Variants in PPP1R1B observed in about 807,000 individuals in gnomAD.
PPP1R1B encodes the protein protein phosphatase 1 regulatory subunit 1B.
PPP1R1B carries 13 observed loss-of-function variants against 28.2 expected under a neutral mutation model. The observed-to-expected ratio is 0.46, with a 90% confidence interval of 0.30 to 0.73. The LOEUF (loss-of-function observed/expected upper bound fraction) is 0.73, where lower values mean the gene tolerates loss of function less well. Ranked by LOEUF, PPP1R1B falls within the 30% of genes least tolerant of loss-of-function variation. The pLI is 0.07. For missense variants in PPP1R1B, 236 were observed against 256.7 expected, an observed-to-expected ratio of 0.92 and a Z score of 0.55; for synonymous variants, 102 against 97.5, an observed-to-expected ratio of 1.05 and a Z score of -0.27.
At chr17:39,632,758 G>C (rs1172365671) in intron 4 of PPP1R1B, 1 of 152,256 alleles carries the variant, frequency 6.6e-6, no homozygotes, top group Non-Finnish European at 1.5e-5. Context: ...GGGGCAGCGG[G>C]CACATACAAA....
At chr17:39,629,611 G>A (rs991238685) in intron 3 of PPP1R1B, 49 bp downstream of exon 3, 10 of 1,607,872 alleles carry the variant, frequency 6.2e-6, no homozygotes, top group Non-Finnish European at 6.8e-6. Flanking sequence ...GCCCCTTGGG[G>A]TGGGGTGGAC....
chr17:39,626,940 G>T (rs77632651), upstream of PPP1R1B: 305 of 159,734 alleles, frequency 1.9e-3, 8 homozygotes, highest in East Asian at 0.049. Context: ...GGGACCGGAG[G>T]GTGAGCCCGG....
At position 39,635,739 on chromosome 17, in the gene PPP1R1B, A is replaced by C. The variant is rs2056916059; in HGVS notation, c.565+13A>C. On this transcript the variant is annotated intron_variant, in intron 6 of 6. Coordinates refer to ENST00000254079, the MANE Select transcript of PPP1R1B (RefSeq NM_032192.4). Reference sequence around the variant, plus strand: ...CCAGCACTAAGTGGTAAGGCTTGGGAGTGTGAAATGGGGAGGAGGGGCTGG... The same window carrying C: ...CCAGCACTAAGTGGTAAGGCTTGGGCGTGTGAAATGGGGAGGAGGGGCTGG... The C allele has an allele frequency of 1.2e-6, 2 of 1,612,826 alleles. No individual in the cohort carries two copies. The highest frequency in any genetic ancestry group is 3.3e-5 in the Admixed American group (2 of 59,952).
At chr17:39,629,605 C>G in intron 3 of PPP1R1B, 43 bp downstream of exon 3, 1 of 1,610,970 alleles carries the variant, frequency 6.2e-7, no homozygotes, top group Non-Finnish European at 8.5e-7. Context: ...GCCTGGGCCC[C>G]TTGGGGTGGG....
In PPP1R1B at chr17:39,627,292, C is replaced by T; in HGVS notation, c.-101C>T. 1.3e-6 allele frequency: 1 copy of T among 771,026 alleles called. No individual in the cohort carries two copies. The allele number at this position is 771,026 out of a possible 1,614,324, so 47.8% of individuals were successfully genotyped here. A position where few individuals can be genotyped will look rare whatever the true frequency, so the allele number is the denominator to read the frequency against. On this transcript the variant is annotated 5_prime_UTR_variant, in exon 1 of 7. Coordinates refer to ENST00000254079, the MANE Select transcript of PPP1R1B (RefSeq NM_032192.4). ...CCGTGCGCGAACAGCCCTCCTCCTC[C>T]TCTCGCCGCACAGCCCGCCGCCTGC...
intron 1 of PPP1R1B, 53 bp downstream of exon 1, chr17:39,627,526 T>G: frequency 8.4e-7 from 1 of 1,183,742 alleles, no homozygotes; most frequent in Non-Finnish European, 1.2e-6. Context: ...CCCGCGGGGC[T>G]TCTTCGCCCT....
In PPP1R1B at chr17:39,636,055, G is replaced by A. The variant is rs1020107481; in HGVS notation, c.*190G>A. ...TTTGGCTGATACCCAGAGAACCTGG[G>A]CACTTGCTGCCTGATGCCCACCCCT... On this transcript the variant is annotated 3_prime_UTR_variant, in exon 7 of 7. Transcript: ENST00000254079. 1.1e-5 allele frequency: 7 copies of A among 635,524 alleles called. No individual in the cohort carries two copies. Among genetic ancestry groups the A allele is most frequent in the Non-Finnish European group, 1.6e-5 (6 of 375,088 alleles). The allele number at this position is 635,524 out of a possible 1,614,324, so 39.4% of individuals were successfully genotyped here.
rs1436780187 is a variant in PPP1R1B at position 39,635,853 on chromosome 17, G to A, written c.603G>A (p.Glu201=). 2.5e-6 allele frequency: 4 copies of A among 1,613,054 alleles called. No individual in the cohort carries two copies. Among genetic ancestry groups the A allele is most frequent in the Non-Finnish European group, 3.4e-6 (4 of 1,179,996 alleles). ...AACCTCAGCGCCCTTCCCCCTCTGA[G>A]CCTGGCACATAGGCACCCAGCCTGC... ...GEEPQRPSPS[E]PGT is the part of the protein sequence containing the mutation. Residue 201 remains glutamate (E), a synonymous_variant, in exon 7 of 7, where the codon GAG becomes GAA. Coordinates refer to ENST00000254079, the MANE Select transcript of PPP1R1B (RefSeq NM_032192.4).
intron 5 of PPP1R1B, 70 bp from the exon 6 acceptor site, chr17:39,635,537 A>C: frequency 6.4e-7 from 1 of 1,556,914 alleles, no homozygotes. Flanking sequence ...TCAGACACTT[A>C]GCTCACACTC....
intron 4 of PPP1R1B, 84 bp from the exon 5 acceptor site, chr17:39,633,799 G>C: frequency 1.3e-6 from 2 of 1,585,920 alleles, no homozygotes; most frequent in Non-Finnish European, 1.7e-6. Context: ...CGGGAAGGAG[G>C]CTGGGGGCTA....
chr17:39,627,306 C>T lies in PPP1R1B; in HGVS notation c.-87C>T, dbSNP rs974208852. 23 of 897,870 alleles carry T rather than the reference C, an allele frequency of 2.6e-5. No homozygotes were observed. The highest frequency in any genetic ancestry group is 3.4e-5 in the Non-Finnish European group (21 of 612,444). 55.6% of individuals were successfully genotyped at this position (897,870 alleles called of 1,614,324 possible). ...CCCTCCTCCTCCTCTCGCCGCACAG[C>T]CCGCCGCCTGCGCGGGGGAGCCCAG... On this transcript the variant is annotated 5_prime_UTR_variant, in exon 1 of 7. Coordinates refer to ENST00000254079, the MANE Select transcript of PPP1R1B (RefSeq NM_032192.4).
At chr17:39,627,728 G>A (rs1174374380) in intron 1 of PPP1R1B, among the ~76,000 whole-genome samples, 3 of 151,878 alleles carry the variant, frequency 2.0e-5, no homozygotes, top group East Asian at 1.9e-4. Context: ...TGCGGGGGTG[G>A]GGGGACAGGC....
Position 39,629,312 on chromosome 17 carries a change from C to G in PPP1R1B, c.142+82C>G. The G allele has an allele frequency of 2.7e-6, 4 of 1,463,690 alleles. No individual in the cohort carries two copies. In the East Asian group the frequency reaches 6.8e-5, roughly 25 times the overall value. The allele number at this position is 1,463,690 out of a possible 1,614,324, so 90.7% of individuals were successfully genotyped here. ...AGGGGCCCTGCCAAAGTCCCATGAA[C>G]AGGAGTCAAAGCTGGAGACTGGGGA... On this transcript the variant is annotated intron_variant, in intron 2 of 6. Transcript: ENST00000254079.
chr17:39,631,205 A>T (rs2056874951), intron 4 of PPP1R1B, among the ~76,000 whole-genome samples: 1 of 152,236 alleles, frequency 6.6e-6, no homozygotes, highest in South Asian at 2.1e-4. Context: ...ACTGTGCTCC[A>T]GTCTGGGCTA....
At chr17:39,631,983 C>T (rs1381029665) in intron 4 of PPP1R1B, among the ~76,000 whole-genome samples, 1 of 152,170 alleles carries the variant, frequency 6.6e-6, no homozygotes. Context: ...CATGGGCGAA[C>T]AGGCCAGGAT....
chr17:39,628,781 G>A, intron 1 of PPP1R1B: 6 of 910,650 alleles, frequency 6.6e-6, no homozygotes, highest in Non-Finnish European at 8.0e-6. Context: ...AGCTGGAGCT[G>A]TAGCCAGCTT....
In PPP1R1B at chr17:39,633,956, G is replaced by T. The variant is rs1162095494; in HGVS notation, c.315G>T (p.Glu105Asp). ...NLNENQASEE[E>D]DELGELRELG... ...ATGAGAACCAGGCCTCAGAGGAGGA[G>T]GATGAGCTGGGGGAGCTTCGGGAGC... The change falls in exon 5 of 7, where the codon GAG (glutamate) becomes GAT (aspartate). Residue 105 changes from glutamate to aspartate, a missense_variant. Transcript: ENST00000254079. 1 of 1,613,962 alleles carries T rather than the reference G, an allele frequency of 6.2e-7. No homozygotes were observed.
In PPP1R1B at chr17:39,629,532, T is replaced by C; in HGVS notation, c.143-8T>C. 1.2e-6 allele frequency: 2 copies of C among 1,613,758 alleles called. No individual in the cohort carries two copies. The highest frequency in any genetic ancestry group is 1.3e-5 in the African/African-American group (1 of 75,032). ...TCTGGTTCGGTTGGCTTTGGTGGCCTTCCTCAGAGGAGGAAGCCTCCCCCC... is the reference window on the plus strand; with the variant it reads ...TCTGGTTCGGTTGGCTTTGGTGGCCCTCCTCAGAGGAGGAAGCCTCCCCCC... On this transcript the variant is annotated splice_polypyrimidine_tract_variant and splice_region_variant and intron_variant, in intron 2 of 6. Transcript: ENST00000254079.
chr17:39,635,520 T>G, intron 5 of PPP1R1B, 87 bp from the exon 6 acceptor site: 1 of 1,530,728 alleles, frequency 6.5e-7, no homozygotes, highest in Non-Finnish European at 8.8e-7. Context: ...AAGCTTAACC[T>G]CAGCCATCAG....
Sources: gnomAD v4.1 joint callset for allele counts (sites outside exome capture counted in the v4.1 genomes callset) on GRCh38, gnomAD v4.1.1 for gene constraint, MANE v1.5 for transcripts, NCBI Gene and HGNC (gene_info 2026-07-23, HGNC 2026-07-21) for gene names.